MAP7: variants seen among roughly 807,000 people sequenced by gnomAD.
MAP7 encodes the protein microtubule associated protein 7.
A neutral mutation model predicts 94.8 loss-of-function variants in MAP7; 52 were observed. The observed-to-expected ratio is 0.55, with a 90% confidence interval of 0.44 to 0.69. The LOEUF (loss-of-function observed/expected upper bound fraction) is 0.69. Ranked by LOEUF, MAP7 falls within the 30% of genes least tolerant of loss-of-function variation. The probability of loss-of-function intolerance (pLI) is 0.00; values close to 1 mark genes in which losing one functional copy is unlikely to be tolerated. For missense variants in MAP7, 940 were observed against 964.6 expected (o/e 0.97, Z 0.34); for synonymous variants, 350 against 357.0 (o/e 0.98, Z 0.22).
Position 136,366,418 on chromosome 6 carries a change from T to A in MAP7, c.898A>T (p.Arg300Ter). 1 of 1,613,276 alleles carries A rather than the reference T, an allele frequency of 6.2e-7. No individual in the cohort carries two copies. Among genetic ancestry groups the A allele is most frequent in the Non-Finnish European group, 8.5e-7 (1 of 1,179,228 alleles). ...GATGTGAGGAAGAGTACATTTTCTC[T>A]CTCTCTTTCTTTTTTATAGCTCTAA... ...GTASYKKERE[R>*]ENVLFLTSGT... Residue 300 changes from arginine to a stop codon, truncating the protein, a stop_gained, in exon 9 of 18, where the codon AGA (arginine) becomes TGA (stop). Coordinates refer to ENST00000354570, the MANE Select transcript of MAP7 (RefSeq NM_003980.6). LOFTEE classifies it high-confidence loss of function.
chr6:136,400,213 G>A (rs542260837), intron 3 of MAP7, among the ~76,000 whole-genome samples: 9 of 152,074 alleles, frequency 5.9e-5, no homozygotes, highest in Admixed American at 1.3e-4. Flanking sequence ...TCAGGAGATC[G>A]AGACCATCCT....
At chr6:136,379,643 C>T (rs1323017081) in intron 6 of MAP7, among the ~76,000 whole-genome samples, 2 of 152,192 alleles carry the variant, frequency 1.3e-5, no homozygotes, top group African/African-American at 2.4e-5. Flanking sequence ...TAAACTCTTC[C>T]TTTTCTTAGA....
chr6:136,354,842 A>G (rs1790420263), intron 16 of MAP7, among the ~76,000 whole-genome samples: 1 of 152,180 alleles, frequency 6.6e-6, no homozygotes, highest in Non-Finnish European at 1.5e-5. Flanking sequence ...TTATATAATG[A>G]TTAATTGCTT....
chr6:136,416,124 C>T (rs1206258030), intron 2 of MAP7, among the ~76,000 whole-genome samples: 4 of 152,174 alleles, frequency 2.6e-5, no homozygotes, highest in Admixed American at 2.6e-4. Context: ...TGTTTTCTTC[C>T]CTGCTGCATT....
chr6:136,447,012 A>G (rs952463729), intron 1 of MAP7, among the ~76,000 whole-genome samples: 15 of 152,228 alleles, frequency 9.9e-5, no homozygotes, highest in African/African-American at 3.4e-4. Context: ...CTCCCCTGAC[A>G]TCATAAGTCC....
intron 3 of MAP7, among the ~76,000 whole-genome samples, chr6:136,410,417 C>T (rs1166166882): frequency 5.3e-5 from 8 of 152,202 alleles, no homozygotes. Flanking sequence ...GTCAAAGCAA[C>T]CTTAGTAGGG....
intron 1 of MAP7, among the ~76,000 whole-genome samples, chr6:136,443,236 C>G (rs1798374834): frequency 6.6e-6 from 1 of 152,006 alleles, no homozygotes; most frequent in South Asian, 2.1e-4. Context: ...GCTCATGCTA[C>G]TTTAGGTTTG....
intron 3 of MAP7, among the ~76,000 whole-genome samples, chr6:136,398,381 G>T (rs764816818): frequency 6.6e-6 from 1 of 152,192 alleles, no homozygotes; most frequent in East Asian, 1.9e-4. Context: ...ACATTGCAGG[G>T]ATTCAATAAA....
At chr6:136,542,410 G>A (rs1279823944) in intron 1 of MAP7, among the ~76,000 whole-genome samples, 9 of 152,226 alleles carry the variant, frequency 5.9e-5, no homozygotes, top group Admixed American at 5.9e-4. Flanking sequence ...ACAAAGCACT[G>A]TATCTGAGAA....
chr6:136,387,642 G>T (rs1779529268), intron 5 of MAP7, among the ~76,000 whole-genome samples: 1 of 152,026 alleles, frequency 6.6e-6, no homozygotes, highest in African/African-American at 2.4e-5. Flanking sequence ...ACCACCAAAA[G>T]TTATGAAGTG....
At chr6:136,408,836 T>C (rs1057407353) in intron 3 of MAP7, among the ~76,000 whole-genome samples, 1 of 152,190 alleles carries the variant, frequency 6.6e-6, no homozygotes, top group Non-Finnish European at 1.5e-5. Context: ...TCATAGACAG[T>C]TGATCAGGTG....
chr6:136,501,617 C>G, intron 1 of MAP7, among the ~76,000 whole-genome samples: 1 of 151,968 alleles, frequency 6.6e-6, no homozygotes. Flanking sequence ...ATTTATTTTA[C>G]CCTAGTTATT....
rs1779824182 is a variant in MAP7, at chr6:136,388,620, T to C, written c.409-110A>G. ...TACTACTTCAATTCCCACTCTACTA[T>C]TCTTGATCTCTAGCTGAACTTCTAT... On this transcript the variant is annotated intron_variant, in intron 4 of 17. Transcript: ENST00000354570. The C allele has an allele frequency of 2.7e-5, 22 of 817,676 alleles. No individual in the cohort carries two copies. The South Asian group carries it at 3.5e-4, about 13-fold the overall frequency. The allele number at this position is 817,676 out of a possible 1,614,324, so 50.7% of individuals were successfully genotyped here.
chr6:136,531,426 C>T (rs1472828558), intron 1 of MAP7, among the ~76,000 whole-genome samples: 1 of 144,564 alleles, frequency 6.9e-6, no homozygotes, highest in Non-Finnish European at 1.5e-5. Context: ...GGTTCCTTGA[C>T]TTGCTTTGCT....
At chr6:136,446,808 G>T (rs2128869596) in intron 1 of MAP7, among the ~76,000 whole-genome samples, 1 of 152,286 alleles carries the variant, frequency 6.6e-6, no homozygotes, top group Middle Eastern at 3.4e-3. Context: ...TGGCATATTA[G>T]ACACCCATAT....
At chr6:136,346,565 A>G (rs776966745) in intron 16 of MAP7, among the ~76,000 whole-genome samples, 1 of 152,214 alleles carries the variant, frequency 6.6e-6, no homozygotes, top group Non-Finnish European at 1.5e-5. Flanking sequence ...CTGTCTCTAA[A>G]CAACAACAAA....
At chr6:136,492,976 T>G (rs1817075816) in intron 1 of MAP7, among the ~76,000 whole-genome samples, 2 of 152,198 alleles carry the variant, frequency 1.3e-5, no homozygotes, top group African/African-American at 2.4e-5. Context: ...AAATTGTTTT[T>G]GGGAAGAAAA....
chr6:136,377,560 G>A (rs1776530380), intron 7 of MAP7, among the ~76,000 whole-genome samples, 195 bp downstream of exon 7: 2 of 152,232 alleles, frequency 1.3e-5, no homozygotes, highest in African/African-American at 2.4e-5. Context: ...CCTGCCTGGC[G>A]TCTGGTGTCC....
intron 3 of MAP7, among the ~76,000 whole-genome samples, chr6:136,392,090 C>T (rs1780934028): frequency 6.6e-6 from 1 of 151,988 alleles, no homozygotes; most frequent in Non-Finnish European, 1.5e-5. Flanking sequence ...GCATCTTGCT[C>T]TTTTTGAGGC....
Sources: gnomAD v4.1 joint callset for allele counts (sites outside exome capture counted in the v4.1 genomes callset) on GRCh38, gnomAD v4.1.1 for gene constraint, MANE v1.5 for transcripts, NCBI Gene and HGNC (gene_info 2026-07-23, HGNC 2026-07-21) for gene names.